The following NCOA6 variants were observed in gnomAD, a reference collection of about 807,000 sequenced individuals.
NCOA6 encodes nuclear receptor coactivator 6.
Under a neutral mutation model 171.4 loss-of-function variants are expected in NCOA6, and 49 were observed. The ratio of observed to expected loss-of-function variants is 0.29; its 90% confidence interval spans 0.23 to 0.36. The LOEUF is 0.36. Among genes scored for constraint, NCOA6 ranks in the 10% least tolerant of loss-of-function variants. NCOA6 has a pLI of 1.00. For synonymous variants in NCOA6, 910 were observed against 927.5 expected (o/e 0.98, Z 0.34); for missense variants, 2,248 against 2,554.5 (o/e 0.88, Z 2.59).
rs956146079 is a variant in NCOA6 at position 34,794,575 on chromosome 20, T to C, written c.-163-2012A>G. Among the ~76,000 whole-genome samples, 5 of 152,126 alleles carry C rather than the reference T, an allele frequency of 3.3e-5. No homozygotes were observed. The South Asian group carries it at 1.0e-3, about 32-fold the overall frequency. ...GACACAAAAAGATCTCCAAGATATA[T>C]TTTTGAGAGAAAAAAAACAGAGTAA... On this transcript the variant is annotated intron_variant, in intron 1 of 14. Coordinates refer to ENST00000359003, the MANE Select transcript of NCOA6 (RefSeq NM_014071.5).
At position 34,750,522 on chromosome 20, in the gene NCOA6, T is replaced by TAAA; in HGVS notation, c.1676-6_1676-4dup. The TAAA allele has an allele frequency of 7.6e-6, 10 of 1,314,612 alleles. No individual in the cohort carries two copies. Among genetic ancestry groups the TAAA allele is most frequent in the South Asian group, 2.9e-5 (2 of 68,152 alleles). 81.4% of individuals were successfully genotyped at this position (1,314,612 alleles called of 1,614,324 possible). ...AGGAGGACCAGCTCCTTGACCACCT[T>TAAA]AAAAAAAAAAAAAGTCACAGTTTCA... On this transcript the variant is annotated splice_polypyrimidine_tract_variant and splice_region_variant and intron_variant, in intron 8 of 14. Coordinates refer to ENST00000359003, the MANE Select transcript of NCOA6 (RefSeq NM_014071.5).
Position 34,746,269 on chromosome 20 carries a change from T to G in NCOA6, c.2914+538A>C, listed in dbSNP as rs558611888. Among the ~76,000 whole-genome samples the G allele has an allele frequency of 5.3e-3, 805 of 151,536 alleles. 1 individual carries two copies. The highest frequency in any genetic ancestry group is 8.6e-3 in the Non-Finnish European group (580 of 67,804). On this transcript the variant is annotated intron_variant, in intron 10 of 14. Coordinates refer to ENST00000359003, the MANE Select transcript of NCOA6 (RefSeq NM_014071.5). ...ATTTCATGGTTTTTTTTTTTTTTTT[T>G]GAGACAGGGTCCCAGGCTGGAGTGC...
chr20:34,768,323 C>T, intron 5 of NCOA6, 141 bp downstream of exon 5: 2 of 1,120,164 alleles, frequency 1.8e-6, no homozygotes, highest in Non-Finnish European at 2.5e-6. Context: ...CCGGGAAGGA[C>T]TCATGTCTAG....
At chr20:34,771,090 G>A (rs923129003) in intron 4 of NCOA6, among the ~76,000 whole-genome samples, 4 of 152,110 alleles carry the variant, frequency 2.6e-5, no homozygotes, top group Admixed American at 1.3e-4. Context: ...TACATTCAAT[G>A]TATTATTTCA....
At chr20:34,771,098 T>A (rs13040449) in intron 4 of NCOA6, among the ~76,000 whole-genome samples, 46,486 of 152,138 alleles carry the variant, frequency 0.31, 8,051 homozygotes, top group Middle Eastern at 0.41. Flanking sequence ...ATGTATTATT[T>A]CAACATGTAA....
At chr20:34,764,303 G>GGT (rs1335340813) in intron 5 of NCOA6, among the ~76,000 whole-genome samples, 1 of 152,098 alleles carries the variant, frequency 6.6e-6, no homozygotes, top group Non-Finnish European at 1.5e-5. Flanking sequence ...TAGCCAGGAT[G>GGT]GTCTCCATCT....
chr20:34,770,912 G>A (rs1485116201), intron 4 of NCOA6, among the ~76,000 whole-genome samples: 1 of 152,100 alleles, frequency 6.6e-6, no homozygotes, highest in East Asian at 1.9e-4. Flanking sequence ...TTACAGGCAT[G>A]AGCCACCGTG....
chr20:34,738,401 T>A (rs2076021816), intron 11 of NCOA6, among the ~76,000 whole-genome samples: 1 of 152,200 alleles, frequency 6.6e-6, no homozygotes, highest in Admixed American at 6.5e-5. Flanking sequence ...TCATCATTTT[T>A]CTCTTGATAC....
chr20:34,774,497 T>C (rs1214492862), intron 4 of NCOA6, among the ~76,000 whole-genome samples: 4 of 152,262 alleles, frequency 2.6e-5, no homozygotes, highest in Non-Finnish European at 1.5e-5. Flanking sequence ...TTGTTGGTAT[T>C]GCCCCTTTGA....
chr20:34,759,998 T>TCA (rs935175143), intron 5 of NCOA6, among the ~76,000 whole-genome samples: 7 of 152,096 alleles, frequency 4.6e-5, no homozygotes, highest in African/African-American at 1.4e-4. Context: ...TGAGAATAGG[T>TCA]CAGGCATGGT....
At chr20:34,743,668 A>G (rs1425254646) in intron 10 of NCOA6, among the ~76,000 whole-genome samples, 1 of 152,250 alleles carries the variant, frequency 6.6e-6, no homozygotes, top group Admixed American at 6.5e-5. Flanking sequence ...AAACATTCAG[A>G]TGAAATGAGA....
At chr20:34,744,871 G>A (rs1309046597) in intron 10 of NCOA6, among the ~76,000 whole-genome samples, 1 of 152,122 alleles carries the variant, frequency 6.6e-6, no homozygotes, top group African/African-American at 2.4e-5. Flanking sequence ...TTATGACATG[G>A]ATGCCTTTTA....
intron 7 of NCOA6, among the ~76,000 whole-genome samples, chr20:34,755,220 T>C (rs1165073520): frequency 6.6e-6 from 1 of 152,206 alleles, no homozygotes; most frequent in Non-Finnish European, 1.5e-5. Context: ...ACTTTAGTTA[T>C]TTTAACACAG....
intron 5 of NCOA6, among the ~76,000 whole-genome samples, chr20:34,764,671 C>T (rs899661067): frequency 2.7e-5 from 4 of 149,510 alleles, no homozygotes; most frequent in South Asian, 2.1e-4. Context: ...GGTGACAGAG[C>T]GAGACTCTGT....
In NCOA6 at chr20:34,754,884, TG is replaced by T; in HGVS notation, c.1529-17del. The stretch of plus-strand genomic sequence containing the variant: ...TTAGGCATTCCTTAATAGAAAACAA[TG>T]AGTAAGGCAGTTACCTAGCAAATTT... On this transcript the variant is annotated splice_polypyrimidine_tract_variant and intron_variant, in intron 7 of 14. Transcript: ENST00000359003. 2 of 1,613,228 alleles carry T rather than the reference TG, an allele frequency of 1.2e-6. No homozygotes were observed. Among genetic ancestry groups the T allele is most frequent in the Non-Finnish European group, 1.7e-6 (2 of 1,179,430 alleles).
chr20:34,726,812 C>T (rs1990007694), intron 14 of NCOA6, among the ~76,000 whole-genome samples: 1 of 149,970 alleles, frequency 6.7e-6, no homozygotes, highest in Non-Finnish European at 1.5e-5. Flanking sequence ...GGACTCAAGG[C>T]CAGGTGTGGT....
chr20:34,788,364 TATA>T (rs2077755283), intron 2 of NCOA6, among the ~76,000 whole-genome samples: 1 of 152,172 alleles, frequency 6.6e-6, no homozygotes, highest in Admixed American at 6.5e-5. Flanking sequence ...GTGCCTGGCC[TATA>T]CCTACTTTTA....
At chr20:34,736,937 TA>T (rs2075976700) in intron 11 of NCOA6, among the ~76,000 whole-genome samples, 179 bp from the exon 12 acceptor site, 1 of 152,194 alleles carries the variant, frequency 6.6e-6, no homozygotes, top group South Asian at 2.1e-4. Context: ...TTAATTACCA[TA>T]ACACCCAGTA....
chr20:34,792,438 G>A lies in NCOA6; in HGVS notation c.-50+12C>T, dbSNP rs2077918717. Reference sequence around the variant, plus strand: ...TGGCTTTATTAACTCTCTCGCATAAGGTTTCACTCACCAAAATCTCTTTCT... The same window carrying A: ...TGGCTTTATTAACTCTCTCGCATAAAGTTTCACTCACCAAAATCTCTTTCT... On this transcript the variant is annotated intron_variant, in intron 2 of 14. Transcript: ENST00000359003. 5.0e-6 allele frequency: 2 copies of A among 396,110 alleles called. No homozygotes were observed. Among genetic ancestry groups the A allele is most frequent in the Non-Finnish European group, 8.9e-6 (2 of 225,334 alleles). The allele number at this position is 396,110 out of a possible 1,614,324, so 24.5% of individuals were successfully genotyped here.
Sources: allele counts gnomAD v4.1 joint callset (sites outside exome capture counted in the v4.1 genomes callset), GRCh38; gene constraint gnomAD v4.1.1; transcripts MANE v1.5; gene names NCBI Gene and HGNC (gene_info 2026-07-23, HGNC 2026-07-21).